EGF: variants seen among roughly 807,000 people sequenced by gnomAD.
The protein encoded by EGF is pro-epidermal growth factor.
Under a neutral mutation model 143.8 loss-of-function variants are expected in EGF, and 95 were observed. The ratio of observed to expected loss-of-function variants is 0.66; its 90% confidence interval spans 0.56 to 0.78. The LOEUF (loss-of-function observed/expected upper bound fraction) is 0.78, where lower values mean the gene tolerates loss of function less well. Ranked by LOEUF, EGF falls within the 30% of genes least tolerant of loss-of-function variation. The pLI is 0.00. For synonymous variants in EGF, 510 were observed against 510.5 expected, an observed-to-expected ratio of 1.00 and a Z score of 0.01; for missense variants, 1,320 against 1,470.9, an observed-to-expected ratio of 0.90 and a Z score of 1.68.
chr4:109,939,954 T>C (rs1304238370), intron 1 of EGF, among the ~76,000 whole-genome samples: 1 of 152,176 alleles, frequency 6.6e-6, no homozygotes, highest in Non-Finnish European at 1.5e-5. Flanking sequence ...GGCCCAAGCC[T>C]CCTCACACTT....
At chr4:110,004,808 A>C (rs1753043653) in intron 22 of EGF, among the ~76,000 whole-genome samples, 186 bp downstream of exon 22, 1 of 152,126 alleles carries the variant, frequency 6.6e-6, no homozygotes, top group African/African-American at 2.4e-5. Context: ...TGTGTTGTTA[A>C]CTAAAGGAAT....
chr4:109,975,863 G>A (rs756553755), intron 12 of EGF, 149 bp from the exon 13 acceptor site: 11 of 859,406 alleles, frequency 1.3e-5, no homozygotes, highest in African/African-American at 6.7e-5. Context: ...ATTATTTGCC[G>A]AACATACAGC....
intron 15 of EGF, among the ~76,000 whole-genome samples, chr4:109,981,441 G>C (rs1192942060): frequency 6.6e-6 from 1 of 152,124 alleles, no homozygotes; most frequent in Non-Finnish European, 1.5e-5. Flanking sequence ...GCCTGAGAAG[G>C]CTTGTGATGT....
intron 6 of EGF, 114 bp downstream of exon 6, chr4:109,959,551 CCAACTT>C (rs1282365277): frequency 1.9e-6 from 3 of 1,547,404 alleles, no homozygotes; most frequent in African/African-American, 2.7e-5. Context: ...CAGTGGAAAA[CCAACTT>C]CAAGTCCATT....
chr4:109,968,909 T>G, intron 10 of EGF, 62 bp from the exon 11 acceptor site: 3 of 1,607,162 alleles, frequency 1.9e-6, no homozygotes, highest in Non-Finnish European at 2.6e-6. Context: ...ACTAGTGCCA[T>G]TTGTATATAT....
At chr4:110,007,338 G>A (rs1381906347) in intron 22 of EGF, among the ~76,000 whole-genome samples, 4 of 152,204 alleles carry the variant, frequency 2.6e-5, no homozygotes, top group African/African-American at 7.2e-5. Context: ...CCAATGAAGC[G>A]TGATCGGCCA....
rs118056283 is a variant in EGF at position 109,918,923 on chromosome 4, G to A, written c.127+5461G>A. On this transcript the variant is annotated intron_variant, in intron 1 of 23. Coordinates refer to ENST00000265171, the MANE Select transcript of EGF (RefSeq NM_001963.6). ...GGCCTTAGTCTTCCACCACATGAGC[G>A]AAACCCTCTTTCTCCCACAGTGATA... 1.5e-3 allele frequency among the ~76,000 whole-genome samples: 229 copies of A among 152,202 alleles called. 3 individuals are homozygous for A. The East Asian group carries it at 0.042, about 28-fold the overall frequency.
intron 2 of EGF, among the ~76,000 whole-genome samples, chr4:109,942,369 T>C (rs1278277339): frequency 1.3e-5 from 2 of 152,198 alleles, no homozygotes; most frequent in Non-Finnish European, 2.9e-5. Context: ...GGTGCAAAGG[T>C]AATTGCAGTT....
At chr4:109,916,991 A>G (rs1195938033) in intron 1 of EGF, among the ~76,000 whole-genome samples, 1 of 152,176 alleles carries the variant, frequency 6.6e-6, no homozygotes, top group Non-Finnish European at 1.5e-5. Flanking sequence ...TTGAGTAAGT[A>G]CCTTTGTGAA....
chr4:109,980,053 A>G lies in EGF; in HGVS notation c.2135A>G (p.Lys712Arg), dbSNP rs758922930. The G allele has an allele frequency of 1.5e-5, 25 of 1,613,956 alleles. 1 individual carries two copies. The South Asian group carries it at 2.7e-4, about 18-fold the overall frequency. Residue 712 changes from lysine to arginine, a missense_variant, in exon 14 of 24, where the codon AAG becomes AGG. Lys to Arg is a conservative substitution (Grantham distance 26, BLOSUM62 2). This residue lies in a region of EGF where 1,186 missense variants were observed against 1,313.7 expected (regional missense o/e 0.90). Coordinates refer to ENST00000265171, the MANE Select transcript of EGF (RefSeq NM_001963.6). ...ATGCCATCAGTAATGAGAGTAAACA[A>G]GAGGACTGGCAAAGATAGAGTACGT... Reference protein sequence around the residue: ...WAMPSVMRVNKRTGKDRVRLQ... With the variant: ...WAMPSVMRVNRRTGKDRVRLQ...
chr4:109,929,768 G>T (rs1246461966), intron 1 of EGF, among the ~76,000 whole-genome samples: 1 of 152,002 alleles, frequency 6.6e-6, no homozygotes, highest in Admixed American at 6.6e-5. Flanking sequence ...TTCTTTCTGG[G>T]TGCATTATTT....
chr4:109,954,433 C>T (rs1332618406), intron 5 of EGF, among the ~76,000 whole-genome samples: 1 of 152,108 alleles, frequency 6.6e-6, no homozygotes, highest in Non-Finnish European at 1.5e-5. Context: ...GGATATGATA[C>T]CAAGTGGCTA....
chr4:109,926,103 C>T (rs1738590856), intron 1 of EGF, among the ~76,000 whole-genome samples: 2 of 152,272 alleles, frequency 1.3e-5, no homozygotes, highest in South Asian at 4.1e-4. Context: ...TCACATGTCA[C>T]AAAACGTCAA....
chr4:109,999,578 T>C, intron 20 of EGF, 101 bp from the exon 21 acceptor site: 1 of 1,465,716 alleles, frequency 6.8e-7, no homozygotes, highest in South Asian at 1.1e-5. Flanking sequence ...GAGCTGAGTC[T>C]GGAAATGCAG....
In EGF at chr4:109,921,062, C is replaced by T. The variant is rs568070846; in HGVS notation, c.127+7600C>T. Among the ~76,000 whole-genome samples the T allele has an allele frequency of 1.7e-4, 26 of 151,640 alleles. 1 individual carries two copies. Among genetic ancestry groups the T allele is most frequent in the African/African-American group, 4.9e-4 (20 of 40,972 alleles). On this transcript the variant is annotated intron_variant, in intron 1 of 23. Transcript: ENST00000265171. Reference sequence around the variant, plus strand: ...AAAAATTTCACTGAACAGAAGGGATCTTTACACTTCTTGAAAGATCTTACT... The same window carrying T: ...AAAAATTTCACTGAACAGAAGGGATTTTTACACTTCTTGAAAGATCTTACT...
chr4:109,950,231 C>T (rs888556557), intron 5 of EGF, among the ~76,000 whole-genome samples: 1 of 152,120 alleles, frequency 6.6e-6, no homozygotes, highest in Non-Finnish European at 1.5e-5. Flanking sequence ...CTTTCACCTC[C>T]CTCTTCCCCA....
intron 5 of EGF, among the ~76,000 whole-genome samples, chr4:109,950,387 T>C (rs116615487): frequency 0.018 from 2,680 of 152,204 alleles, 87 homozygotes; most frequent in African/African-American, 0.06. Flanking sequence ...ACAATTCTAC[T>C]CCTTATGATC....
intron 5 of EGF, among the ~76,000 whole-genome samples, chr4:109,958,696 A>G (rs1416454637): frequency 6.6e-6 from 1 of 152,128 alleles, no homozygotes; most frequent in Non-Finnish European, 1.5e-5. Flanking sequence ...TGGGAGGCTG[A>G]GGTGGGCAGA....
In EGF at chr4:109,961,782, T is replaced by C; in HGVS notation, c.1190-81T>C. ...GGGAGGTCAAGGCAGGAGGATCACC[T>C]GGCAATATTAGCAACTGATTGCAAT... On this transcript the variant is annotated intron_variant, in intron 7 of 23. Coordinates refer to ENST00000265171, the MANE Select transcript of EGF (RefSeq NM_001963.6). 7 of 1,582,332 alleles carry C rather than the reference T, an allele frequency of 4.4e-6. No homozygotes were observed. The South Asian group carries it at 7.8e-5, about 18-fold the overall frequency.
Sources: gnomAD v4.1 joint callset for allele counts (sites outside exome capture counted in the v4.1 genomes callset) on GRCh38, gnomAD v4.1.1 for gene constraint, gnomAD v4.1.1 regional missense constraint, MANE v1.5 for transcripts, NCBI Gene and HGNC (gene_info 2026-07-23, HGNC 2026-07-21) for gene names.